CCDC30: variants seen among roughly 807,000 people sequenced by gnomAD.
CCDC30 encodes the protein coiled-coil domain-containing protein 30.
In CCDC30, 70 loss-of-function variants were observed where a neutral mutation model predicts 100.2. The ratio of observed to expected loss-of-function variants is 0.70; its 90% CI spans 0.58 to 0.85. CCDC30 has a LOEUF of 0.85. Ranked by LOEUF, CCDC30 falls within the 40% of genes least tolerant of loss-of-function variation. The pLI is 0.00. For synonymous variants in CCDC30, 233 were observed against 269.5 expected, an observed-to-expected ratio of 0.86 and a Z score of 1.33; for missense variants, 652 against 771.2, an observed-to-expected ratio of 0.85 and a Z score of 1.83.
chr1:42,546,066 T>A (rs1425160948), intron 6 of CCDC30, among the ~76,000 whole-genome samples: 1 of 152,032 alleles, frequency 6.6e-6, no homozygotes, highest in Non-Finnish European at 1.5e-5. Flanking sequence ...TTTAAAACTT[T>A]TTTCCTGCTT....
In CCDC30 at chr1:42,507,118, G is replaced by A. The variant is rs184157701; in HGVS notation, c.456+8202G>A. Reference sequence around the variant, plus strand: ...ATTTTTGTATTTTTAGTAGAGACGGGGTTTCACCGTGTTGTTCAGGCTGGT... The same window carrying A: ...ATTTTTGTATTTTTAGTAGAGACGGAGTTTCACCGTGTTGTTCAGGCTGGT... On this transcript the variant is annotated intron_variant, in intron 6 of 16. Coordinates refer to ENST00000668663, the Ensembl canonical transcript of CCDC30. 6.3e-3 allele frequency among the ~76,000 whole-genome samples: 954 copies of A among 152,116 alleles called. 2 individuals are homozygous for A. The highest frequency in any genetic ancestry group is 0.013 in the Admixed American group (199 of 15,262).
At chr1:42,479,891 G>A (rs769931640) in intron 1 of CCDC30, among the ~76,000 whole-genome samples, 2 of 152,110 alleles carry the variant, frequency 1.3e-5, no homozygotes, top group Non-Finnish European at 2.9e-5. Flanking sequence ...GGAAAATTCC[G>A]TGGGCTGGCA....
At chr1:42,532,206 TA>T (rs1644816684) in intron 6 of CCDC30, among the ~76,000 whole-genome samples, 1 of 152,188 alleles carries the variant, frequency 6.6e-6, no homozygotes, top group South Asian at 2.1e-4. Context: ...TGATGTTTCA[TA>T]AATAGAAAGC....
intron 6 of CCDC30, among the ~76,000 whole-genome samples, chr1:42,502,552 C>T (rs997800972): frequency 6.6e-5 from 10 of 152,218 alleles, no homozygotes; most frequent in African/African-American, 1.7e-4. Context: ...TCTTCTGCGT[C>T]GCTCATGCTG....
chr1:42,539,037 C>T, intron 6 of CCDC30, 136 bp from the exon 8 acceptor site: 1 of 564,828 alleles, frequency 1.8e-6, no homozygotes, highest in Non-Finnish European at 2.8e-6. Context: ...ATCGGTCTGC[C>T]AGAAGGATAG....
rs1647719490 is a variant in CCDC30 at position 42,644,552 on chromosome 1, G to A, written c.1557-141G>A. 4.9e-6 allele frequency: 3 copies of A among 606,630 alleles called. No individual in the cohort carries two copies. The East Asian group carries it at 8.4e-5, about 17-fold the overall frequency. 37.6% of individuals were successfully genotyped at this position (606,630 alleles called of 1,614,324 possible). A position where few individuals can be genotyped will look rare whatever the true frequency, so the allele number is the denominator to read the frequency against. On this transcript the variant is annotated intron_variant, in intron 13 of 16. Coordinates refer to ENST00000668663, the Ensembl canonical transcript of CCDC30. ...AACACACTTGTTCTTGGAATATGGTGGGAATTATTCTGTCAAACTTGCTTC... is the reference window on the plus strand; with the variant it reads ...AACACACTTGTTCTTGGAATATGGTAGGAATTATTCTGTCAAACTTGCTTC...
intron 1 of CCDC30, among the ~76,000 whole-genome samples, chr1:42,469,178 A>G (rs1356605091): frequency 5.3e-5 from 8 of 152,184 alleles, no homozygotes; most frequent in Admixed American, 5.2e-4. Context: ...CCGGTGTTCA[A>G]TTCCAGCCTG....
chr1:42,520,807 A>AT (rs1236534164), intron 6 of CCDC30, among the ~76,000 whole-genome samples: 2 of 144,252 alleles, frequency 1.4e-5, no homozygotes, highest in Non-Finnish European at 1.5e-5. Context: ...CACCCAGCTA[A>AT]TTTTTTTTTC....
At chr1:42,541,499 C>A (rs945734437) in intron 6 of CCDC30, among the ~76,000 whole-genome samples, 4 of 152,238 alleles carry the variant, frequency 2.6e-5, no homozygotes, top group Admixed American at 6.5e-5. Flanking sequence ...ATTACCCACA[C>A]TACAGAGATA....
chr1:42,568,239 T>C (rs142072720), intron 7 of CCDC30, among the ~76,000 whole-genome samples: 307 of 152,248 alleles, frequency 2.0e-3, no homozygotes, highest in African/African-American at 6.3e-3. Context: ...CTCAGCTTCC[T>C]GAGTTGCTGG....
chr1:42,510,674 T>C (rs1426932254), intron 6 of CCDC30, among the ~76,000 whole-genome samples: 1 of 146,984 alleles, frequency 6.8e-6, no homozygotes, highest in Admixed American at 6.8e-5. Flanking sequence ...AAAAAAAATG[T>C]GGAAAGCTTC....
chr1:42,474,202 T>C (rs1017942113), intron 1 of CCDC30, among the ~76,000 whole-genome samples: 3 of 152,194 alleles, frequency 2.0e-5, no homozygotes, highest in Admixed American at 1.3e-4. Context: ...TATAGCATCA[T>C]AGAGTGTGAA....
intron 3 of CCDC30, among the ~76,000 whole-genome samples, chr1:42,484,983 A>T (rs1362689655): frequency 6.6e-6 from 1 of 152,164 alleles, no homozygotes; most frequent in Admixed American, 6.5e-5. Context: ...TTAATAAAAC[A>T]ATTTGAAATT....
intron 1 of CCDC30, among the ~76,000 whole-genome samples, chr1:42,477,092 T>A (rs542681860): frequency 1.3e-5 from 2 of 150,650 alleles, no homozygotes; most frequent in Non-Finnish European, 3.0e-5. Flanking sequence ...CTTTTTTTTT[T>A]CCCCCCTCTA....
intron 14 of CCDC30, 120 bp from the exon 19 acceptor site, chr1:42,646,015 G>T (rs1647851485): frequency 7.7e-7 from 1 of 1,297,964 alleles, no homozygotes; most frequent in South Asian, 2.0e-5. Context: ...GATAAGAATG[G>T]TCACATGGAT....
Position 42,463,383 on chromosome 1 carries a change from ATTTCCGACTTGGTTC to A in CCDC30, c.-604_-590del, listed in dbSNP as rs1189159354. The A allele has an allele frequency of 4.6e-5, 7 of 152,220 alleles. No homozygotes were observed. In the East Asian group the frequency reaches 1.4e-3, roughly 30 times the overall value. The allele number at this position is 152,220 out of a possible 1,614,324, so 9.4% of individuals were successfully genotyped here. On this transcript the variant is annotated 5_prime_UTR_variant, in exon 1 of 17. Transcript: ENST00000668663. ...CGCTCGCGGCACCCTCCGCAGGAAA[ATTTCCGACTTGGTTC>A]TTGAGGTTCCTGCCTCAGCCCCAAG...
At chr1:42,466,427 G>C (rs1643584755) in intron 1 of CCDC30, among the ~76,000 whole-genome samples, 1 of 152,136 alleles carries the variant, frequency 6.6e-6, no homozygotes, top group Admixed American at 6.5e-5. Context: ...ACATCTAGAA[G>C]TTTTTGGAGG....
chr1:42,598,852 G>T (rs897029007), intron 10 of CCDC30, among the ~76,000 whole-genome samples: 4 of 152,016 alleles, frequency 2.6e-5, no homozygotes, highest in African/African-American at 9.7e-5. Context: ...CTTGAGACCA[G>T]GAGTTTGAGA....
At chr1:42,568,893 T>C (rs1645667559) in intron 7 of CCDC30, 1 of 147,918 alleles carries the variant, frequency 6.8e-6, no homozygotes, top group Non-Finnish European at 1.5e-5. Flanking sequence ...CAGTGAGCCA[T>C]GATCGGGCCA....
Sources: allele counts gnomAD v4.1 joint callset (sites outside exome capture counted in the v4.1 genomes callset), GRCh38; gene constraint gnomAD v4.1.1; transcripts MANE v1.5; gene names NCBI Gene and HGNC (gene_info 2026-07-23, HGNC 2026-07-21).